RALYL: variants seen among roughly 807,000 people sequenced by gnomAD.
RALYL encodes the protein RALY RNA binding protein like.
In RALYL, 29 loss-of-function variants were observed where a neutral mutation model predicts 35.1. That is an observed-to-expected ratio of 0.83 (90% CI 0.61 to 1.13). The LOEUF (loss-of-function observed/expected upper bound fraction) is 1.13, where lower values mean the gene tolerates loss of function less well. Among genes scored for constraint, RALYL ranks in the 50% most tolerant of loss-of-function variants. The pLI, the probability that RALYL is intolerant of heterozygous loss-of-function variation, is 0.00. For missense variants in RALYL, 359 were observed against 360.4 expected, an observed-to-expected ratio of 1.00 and a Z score of 0.03; for synonymous variants, 120 against 127.6, an observed-to-expected ratio of 0.94 and a Z score of 0.40.
At chr8:84,355,051 G>A (rs1851566909) in intron 1 of RALYL, among the ~76,000 whole-genome samples, 1 of 150,302 alleles carries the variant, frequency 6.7e-6, no homozygotes. Context: ...TATGACTTTT[G>A]AGAGGACAAG....
chr8:84,283,116 G>T (rs923051125), intron 1 of RALYL, among the ~76,000 whole-genome samples: 1 of 152,080 alleles, frequency 6.6e-6, no homozygotes. Flanking sequence ...GTACCATAAA[G>T]AATAACATAA....
intron 1 of RALYL, among the ~76,000 whole-genome samples, chr8:84,313,569 T>C (rs2130028701): frequency 6.6e-6 from 1 of 152,304 alleles, no homozygotes; most frequent in East Asian, 1.9e-4. Flanking sequence ...CTTGGAAATT[T>C]CTTCTGCGAG....
intron 1 of RALYL, among the ~76,000 whole-genome samples, chr8:84,505,608 A>G (rs1587845240): frequency 6.6e-6 from 1 of 152,066 alleles, no homozygotes; most frequent in East Asian, 1.9e-4. Flanking sequence ...AGTTTGTCAC[A>G]TGGGTATATT....
At position 84,523,247 on chromosome 8, in the gene RALYL, G is replaced by A. The variant is rs1020937005; in HGVS notation, c.-23-6052G>A. 6.6e-5 allele frequency among the ~76,000 whole-genome samples: 10 copies of A among 151,994 alleles called. 1 individual carries two copies. In the Middle Eastern group the frequency reaches 0.01, roughly 155 times the overall value. ...AAGAGCAAAGGCATGACATATGGCA[G>A]CAGGCAAGAGGGCATGTGCAGCGAA... On this transcript the variant is annotated intron_variant, in intron 1 of 8. Coordinates refer to ENST00000521268, the MANE Select transcript of RALYL (RefSeq NM_173848.7).
chr8:84,190,754 T>C (rs141574811), intron 1 of RALYL, among the ~76,000 whole-genome samples: 42 of 152,288 alleles, frequency 2.8e-4, no homozygotes, highest in African/African-American at 9.9e-4. Flanking sequence ...CAATGGAAAT[T>C]CAGGTCTAGA....
intron 2 of RALYL, among the ~76,000 whole-genome samples, chr8:84,623,293 G>A (rs1821979939): frequency 6.6e-6 from 1 of 152,068 alleles, no homozygotes; most frequent in East Asian, 1.9e-4. Context: ...AGATACATCA[G>A]TCTAAAAGCA....
chr8:84,275,959 A>G (rs1835292376), intron 1 of RALYL, among the ~76,000 whole-genome samples: 1 of 152,168 alleles, frequency 6.6e-6, no homozygotes, highest in Admixed American at 6.5e-5. Flanking sequence ...TAATTTTTAA[A>G]AAAAATATAT....
intron 2 of RALYL, among the ~76,000 whole-genome samples, chr8:84,586,821 T>C (rs1812125164): frequency 6.6e-6 from 1 of 152,194 alleles, no homozygotes; most frequent in Non-Finnish European, 1.5e-5. Context: ...TGGAGAAGCA[T>C]GTTCTTTTCT....
chr8:84,764,796 C>T (rs1477916536), intron 2 of RALYL, among the ~76,000 whole-genome samples: 1 of 152,132 alleles, frequency 6.6e-6, no homozygotes. Flanking sequence ...CTTATAACAC[C>T]GAATATTTTA....
intron 1 of RALYL, among the ~76,000 whole-genome samples, chr8:84,412,587 T>C (rs2044212979): frequency 6.6e-6 from 1 of 151,970 alleles, no homozygotes; most frequent in South Asian, 2.1e-4. Flanking sequence ...TGAGGTTCCA[T>C]TTTTATTCCT....
intron 1 of RALYL, among the ~76,000 whole-genome samples, chr8:84,342,973 G>A (rs1849140294): frequency 6.6e-6 from 1 of 152,074 alleles, no homozygotes; most frequent in African/African-American, 2.4e-5. Context: ...ATTCTGCAAA[G>A]TAATATGATA....
chr8:84,469,390 G>A (rs2052324332), intron 1 of RALYL, among the ~76,000 whole-genome samples: 1 of 152,098 alleles, frequency 6.6e-6, no homozygotes, highest in Admixed American at 6.5e-5. Flanking sequence ...AGGTCTGTTG[G>A]AGTACCCTGC....
At chr8:84,473,994 G>A (rs1006536755) in intron 1 of RALYL, among the ~76,000 whole-genome samples, 3 of 151,902 alleles carry the variant, frequency 2.0e-5, no homozygotes, top group Middle Eastern at 3.2e-3. Context: ...TATTACTTAA[G>A]GTGACTTGTA....
At chr8:84,826,694 A>G (rs944269694) in intron 4 of RALYL, among the ~76,000 whole-genome samples, 2 of 151,584 alleles carry the variant, frequency 1.3e-5, no homozygotes, top group Admixed American at 1.3e-4. Context: ...GAGGCCCACC[A>G]GTCGATAAGC....
At chr8:84,326,111 C>G (rs1845747276) in intron 1 of RALYL, among the ~76,000 whole-genome samples, 1 of 152,028 alleles carries the variant, frequency 6.6e-6, no homozygotes, top group Non-Finnish European at 1.5e-5. Flanking sequence ...GACACTGTCT[C>G]AAAACAAAGC....
At chr8:84,841,645 C>A (rs971113588) in intron 4 of RALYL, among the ~76,000 whole-genome samples, 3 of 152,258 alleles carry the variant, frequency 2.0e-5, no homozygotes, top group Admixed American at 1.3e-4. Flanking sequence ...AACTGTCTAC[C>A]CCAAATCAAC....
At chr8:84,890,882 G>A (rs1843727250) in intron 8 of RALYL, among the ~76,000 whole-genome samples, 2 of 152,050 alleles carry the variant, frequency 1.3e-5, no homozygotes, top group Non-Finnish European at 2.9e-5. Flanking sequence ...GATGGGTCAT[G>A]GAATCTAACC....
At chr8:84,641,276 A>G (rs148517779) in intron 2 of RALYL, among the ~76,000 whole-genome samples, 147 of 151,806 alleles carry the variant, frequency 9.7e-4, no homozygotes, top group African/African-American at 3.3e-3. Flanking sequence ...TTTTTAACAT[A>G]AGAATACAAC....
chr8:84,872,256 C>A lies in RALYL; in HGVS notation c.572-1028C>A, dbSNP rs143561772. Among the ~76,000 whole-genome samples the A allele has an allele frequency of 4.1e-4, 62 of 152,142 alleles. 1 individual carries two copies. In the East Asian group the frequency reaches 0.01, roughly 25 times the overall value. On this transcript the variant is annotated intron_variant, in intron 6 of 8. Transcript: ENST00000521268. ...CTAAATTCCATTATCCATTTGCATA[C>A]CCTTCAGTCAAAAGATTTAGGATTA...
Sources: allele counts gnomAD v4.1 joint callset (sites outside exome capture counted in the v4.1 genomes callset), GRCh38; gene constraint gnomAD v4.1.1; transcripts MANE v1.5; gene names NCBI Gene and HGNC (gene_info 2026-07-23, HGNC 2026-07-21).